RYR2: variants seen among roughly 807,000 people sequenced by gnomAD.
RYR2 encodes the protein ryanodine receptor 2, also known as cardiac muscle ryanodine receptor-calcium release channel.
In RYR2, 227 loss-of-function variants were observed where a neutral mutation model predicts 601.1. That is an observed-to-expected ratio of 0.38 (90% CI 0.34 to 0.42). The LOEUF is 0.42. Among genes scored for constraint, RYR2 ranks in the 10% least tolerant of loss-of-function variants. The pLI, the probability that RYR2 is intolerant of heterozygous loss-of-function variation, is 1.00. For synonymous variants in RYR2, 2,223 were observed against 2,175.1 expected, an observed-to-expected ratio of 1.02 and a Z score of -0.61; for missense variants, 4,646 against 6,156.5, an observed-to-expected ratio of 0.75 and a Z score of 8.21.
intron 1 of RYR2, among the ~76,000 whole-genome samples, chr1:237,185,243 T>C (rs1458716550): frequency 6.6e-6 from 1 of 152,038 alleles, no homozygotes; most frequent in Admixed American, 6.6e-5. Context: ...CAAGCAATCC[T>C]CCTACCTTGG....
chr1:237,606,630 A>C (rs905576437), intron 35 of RYR2, among the ~76,000 whole-genome samples: 3 of 152,192 alleles, frequency 2.0e-5, no homozygotes, highest in Non-Finnish European at 4.4e-5. Context: ...AGTCAACAGG[A>C]AACCTACAGA....
At chr1:237,281,019 A>C (rs1233529562) in intron 2 of RYR2, among the ~76,000 whole-genome samples, 1 of 152,134 alleles carries the variant, frequency 6.6e-6, no homozygotes, top group Non-Finnish European at 1.5e-5. Context: ...TCCTGACCTT[A>C]GGTGATCCGC....
chr1:237,801,813 G>T, intron 97 of RYR2, 43 bp from the exon 98 acceptor site: 1 of 1,307,372 alleles, frequency 7.6e-7, no homozygotes, highest in South Asian at 1.3e-5. Flanking sequence ...TGAGTCTTTG[G>T]TTAATGTGCA....
intron 84 of RYR2, among the ~76,000 whole-genome samples, chr1:237,769,675 CAT>C (rs1260102940): frequency 1.3e-5 from 2 of 151,628 alleles, no homozygotes; most frequent in Non-Finnish European, 2.9e-5. Flanking sequence ...TTAAAGTAAA[CAT>C]ACGATCATTG....
chr1:237,791,659 C>A, intron 93 of RYR2, 144 bp downstream of exon 93: 1 of 601,882 alleles, frequency 1.7e-6, no homozygotes, highest in Non-Finnish European at 2.9e-6. Context: ...ACTGATATCA[C>A]TGTTATCTAG....
intron 25 of RYR2, among the ~76,000 whole-genome samples, chr1:237,542,468 C>G (rs1015925240): frequency 6.6e-6 from 1 of 152,176 alleles, no homozygotes; most frequent in African/African-American, 2.4e-5. Flanking sequence ...TGCTTATGTT[C>G]TGGGTACTCA....
intron 52 of RYR2, among the ~76,000 whole-genome samples, chr1:237,655,382 T>C (rs981063295): frequency 3.3e-5 from 5 of 152,230 alleles, no homozygotes; most frequent in African/African-American, 1.2e-4. Flanking sequence ...AGCTTTATAA[T>C]GCAACATGGA....
At chr1:237,416,542 GT>G (rs1488555827) in intron 10 of RYR2, among the ~76,000 whole-genome samples, 5 of 152,114 alleles carry the variant, frequency 3.3e-5, no homozygotes, top group African/African-American at 1.2e-4. Context: ...GCAGATTGCT[GT>G]GTTAAAATAT....
intron 2 of RYR2, among the ~76,000 whole-genome samples, chr1:237,286,537 TGTGTAGTTTAA>T (rs1691581977): frequency 8.1e-5 from 1 of 12,396 alleles, no homozygotes; most frequent in South Asian, 6.3e-3. Context: ...TTTCTTCCAA[TGTGTAGTTTAA>T]ATCCATTCTT....
intron 32 of RYR2, 81 bp from the exon 33 acceptor site, chr1:237,593,395 T>TC (rs1465532456): frequency 2.2e-5 from 30 of 1,391,218 alleles, no homozygotes; most frequent in Non-Finnish European, 5.8e-6. Flanking sequence ...TTCACAGACT[T>TC]AGACACAGTT....
At chr1:237,816,771 T>G (rs768607764) in intron 100 of RYR2, among the ~76,000 whole-genome samples, 4 of 152,148 alleles carry the variant, frequency 2.6e-5, no homozygotes, top group Non-Finnish European at 5.9e-5. Flanking sequence ...TCAAACAGTA[T>G]GCCTGAGTAT....
At chr1:237,218,514 T>G (rs1367339913) in intron 1 of RYR2, among the ~76,000 whole-genome samples, 7 of 152,218 alleles carry the variant, frequency 4.6e-5, no homozygotes. Flanking sequence ...GGTTTTCAGC[T>G]TGCTTTCTTT....
At chr1:237,492,058 A>G (rs1207591374) in intron 18 of RYR2, 134 bp downstream of exon 18, 2 of 565,048 alleles carry the variant, frequency 3.5e-6, no homozygotes, top group South Asian at 2.0e-5. Context: ...TTTGAGATGC[A>G]GTCGAGCTCT....
chr1:237,555,591 G>A (rs1020729164), intron 27 of RYR2, among the ~76,000 whole-genome samples: 25 of 151,892 alleles, frequency 1.6e-4, no homozygotes, highest in African/African-American at 4.3e-4. Flanking sequence ...TTTTCCTTCC[G>A]CTCCCCCACT....
chr1:237,535,351 G>T (rs189072243), intron 25 of RYR2, among the ~76,000 whole-genome samples: 1 of 152,074 alleles, frequency 6.6e-6, no homozygotes, highest in African/African-American at 2.4e-5. Flanking sequence ...TTTGAAAAAT[G>T]TAACAAATGT....
At chr1:237,544,925 C>G (rs1451142768) in intron 25 of RYR2, among the ~76,000 whole-genome samples, 3 of 151,952 alleles carry the variant, frequency 2.0e-5, no homozygotes, top group African/African-American at 7.3e-5. Flanking sequence ...TTTTACTGTA[C>G]AAATGATTTG....
intron 1 of RYR2, among the ~76,000 whole-genome samples, chr1:237,246,771 T>C (rs1345498): frequency 0.15 from 22,683 of 152,188 alleles, 1,893 homozygotes; most frequent in Non-Finnish European, 0.18. Flanking sequence ...AGCATTTGCT[T>C]TCTTATTATA....
At chr1:237,122,485 C>T (rs1305790561) in intron 1 of RYR2, among the ~76,000 whole-genome samples, 1 of 152,098 alleles carries the variant, frequency 6.6e-6, no homozygotes, top group East Asian at 1.9e-4. Context: ...AGTTTGAGAC[C>T]AGCCTGGCCA....
Position 237,709,492 on chromosome 1 carries a change from A to G in RYR2, c.10155A>G (p.Leu3385=), listed in dbSNP as rs543120030. The change falls in exon 70 of 105, where the codon CTA becomes CTG. Residue 3385 remains leucine, a synonymous_variant. Transcript: ENST00000366574. ...RFVDYNRAKW[L]KEPNPEAEEL... ...TTATGTGATCCAGGGCAAAGTGGCT[A>G]AAGGAGCCTAACCCAGAAGCAGAGG... 3.0e-4 allele frequency: 475 copies of G among 1,609,660 alleles called. 5 individuals carry two copies. The South Asian group carries it at 4.9e-3, about 16-fold the overall frequency.
Sources: allele counts gnomAD v4.1 joint callset (sites outside exome capture counted in the v4.1 genomes callset), GRCh38; gene constraint gnomAD v4.1.1; transcripts MANE v1.5; gene names NCBI Gene and HGNC (gene_info 2026-07-23, HGNC 2026-07-21).